Variants in NOL4L observed in about 807,000 individuals in gnomAD.
The protein encoded by NOL4L is nucleolar protein 4-like.
In NOL4L, 7 loss-of-function variants were observed where a neutral mutation model predicts 64.5. That is an observed-to-expected ratio of 0.11 (90% CI 0.06 to 0.20). The LOEUF (loss-of-function observed/expected upper bound fraction) is 0.20, where lower values mean the gene tolerates loss of function less well. NOL4L is among the 10% of genes least tolerant of loss of function. The probability of loss-of-function intolerance (pLI) is 1.00; values close to 1 mark genes in which losing one functional copy is unlikely to be tolerated. For missense variants in NOL4L, 680 were observed against 967.1 expected (o/e 0.70, Z 3.94); for synonymous variants, 413 against 401.0 (o/e 1.03, Z -0.36).
At chr20:32,548,833 CAG>C (rs1016588638) in intron 1 of NOL4L, 9 of 451,594 alleles carry the variant, frequency 2.0e-5, no homozygotes, top group African/African-American at 1.2e-4. Context: ...TGTCCATTAA[CAG>C]GGGACTGGAT....
intron 1 of NOL4L, among the ~76,000 whole-genome samples, chr20:32,550,405 G>C (rs936514713): frequency 2.0e-5 from 3 of 152,114 alleles, no homozygotes; most frequent in Admixed American, 6.5e-5. Context: ...GCCAATATTT[G>C]TATATCTAAA....
At chr20:32,567,644 C>T (rs921951569) in intron 1 of NOL4L, among the ~76,000 whole-genome samples, 15 of 152,232 alleles carry the variant, frequency 9.9e-5, no homozygotes, top group Non-Finnish European at 1.9e-4. Context: ...CCTGCCTGAG[C>T]GCACATCTGG....
chr20:32,468,702 C>A (rs1189529379), intron 5 of NOL4L, among the ~76,000 whole-genome samples: 1 of 151,904 alleles, frequency 6.6e-6, no homozygotes, highest in Non-Finnish European at 1.5e-5. Context: ...AGTTTCAGAC[C>A]AGCCTGACCA....
chr20:32,576,483 G>A (rs915307609), intron 1 of NOL4L, among the ~76,000 whole-genome samples: 18 of 152,194 alleles, frequency 1.2e-4, no homozygotes, highest in Non-Finnish European at 2.4e-4. Flanking sequence ...GGGCAGCGAG[G>A]AAGTGAATAA....
At position 32,535,416 on chromosome 20, in the gene NOL4L, G is replaced by T. The variant is rs73248047; in HGVS notation, c.322-7503C>A. ...AAATAAATAAATACATAAACAAGGCGCTGAGGACTCAATATAGCACCTGCC... is the reference window on the plus strand; with the variant it reads ...AAATAAATAAATACATAAACAAGGCTCTGAGGACTCAATATAGCACCTGCC... On this transcript the variant is annotated intron_variant, in intron 1 of 10. Transcript: ENST00000621426. 1,653 of 171,184 alleles carry T rather than the reference G, an allele frequency of 9.7e-3. 34 individuals are homozygous for T. Among genetic ancestry groups the T allele is most frequent in the African/African-American group, 0.037 (1,528 of 41,814 alleles). 10.6% of individuals were successfully genotyped at this position (171,184 alleles called of 1,614,324 possible). A position where few individuals can be genotyped will look rare whatever the true frequency, so the allele number is the denominator to read the frequency against.
At chr20:32,576,635 G>C (rs536668244) in intron 1 of NOL4L, among the ~76,000 whole-genome samples, 1 of 152,262 alleles carries the variant, frequency 6.6e-6, no homozygotes, top group Admixed American at 6.5e-5. Context: ...AAGAGGACTA[G>C]TGCTCCGGGA....
intron 1 of NOL4L, among the ~76,000 whole-genome samples, chr20:32,544,472 T>G (rs984219850): frequency 7.9e-5 from 12 of 152,060 alleles, no homozygotes; most frequent in African/African-American, 2.9e-4. Flanking sequence ...CTCTCCAGCT[T>G]TGTCCTGAAG....
Position 32,572,159 on chromosome 20 carries a change from A to C in NOL4L, c.321+12411T>G, listed in dbSNP as rs928841340. ...TGAGGACACAACCCTTCCCTGTGCT[A>C]GCTGGAGTCTGTAGTCTGCCTCTTC... On this transcript the variant is annotated intron_variant, in intron 1 of 10. Transcript: ENST00000621426. Among the ~76,000 whole-genome samples, 4 of 152,332 alleles carry C rather than the reference A, an allele frequency of 2.6e-5. No homozygotes were observed. In the South Asian group the frequency reaches 8.3e-4, roughly 32 times the overall value.
chr20:32,490,836 A>G (rs1168794584), intron 4 of NOL4L, among the ~76,000 whole-genome samples: 2 of 152,200 alleles, frequency 1.3e-5, no homozygotes, highest in Non-Finnish European at 2.9e-5. Flanking sequence ...AACCTTCAAT[A>G]ACTCCCAGTC....
At chr20:32,510,057 A>G (rs293565) in intron 4 of NOL4L, 73,066 of 793,726 alleles carry the variant, frequency 0.092, 4,684 homozygotes, top group African/African-American at 0.27. Context: ...CACCCTCATT[A>G]CCGACACTCC....
rs111372117 is a variant in NOL4L at position 32,558,368 on chromosome 20, G to A, written c.321+26202C>T. ...CCCTGATTTGCTGGTCTCTTCTTTTGATCAGATCTGGGGAGGGCATGAAAC... is the reference window on the plus strand; with the variant it reads ...CCCTGATTTGCTGGTCTCTTCTTTTAATCAGATCTGGGGAGGGCATGAAAC... On this transcript the variant is annotated intron_variant, in intron 1 of 10. Coordinates refer to ENST00000621426, the MANE Select transcript of NOL4L (RefSeq NM_001256798.2). Among the ~76,000 whole-genome samples, 152 of 152,302 alleles carry A rather than the reference G, an allele frequency of 1.0e-3. 1 individual carries two copies. The highest frequency in any genetic ancestry group is 1.5e-3 in the Non-Finnish European group (104 of 68,028).
At chr20:32,563,154 G>A (rs865992923) in intron 1 of NOL4L, among the ~76,000 whole-genome samples, 2 of 24,998 alleles carry the variant, frequency 8.0e-5, no homozygotes, top group Non-Finnish European at 1.6e-4. Context: ...GGAGAGTGGA[G>A]TGCAGGGAGG....
In NOL4L at chr20:32,584,661, T is replaced by A; in HGVS notation, c.230A>T (p.Gln77Leu). 1 of 1,546,892 alleles carries A rather than the reference T, an allele frequency of 6.5e-7. No individual in the cohort carries two copies. Among genetic ancestry groups the A allele is most frequent in the Non-Finnish European group, 8.7e-7 (1 of 1,145,238 alleles). ...GAAGCCCTTGGAGCGCACCCAGAAC[T>A]GGAACTTGCCTTTCTCGCCGGCTGC... ...GPAAGEKGKF[Q>L]FWVRSKGFRL... The change falls in exon 1 of 11, where the codon CAG becomes CTG. Residue 77 changes from glutamine to leucine, a missense_variant. Around this residue, in one of 4 missense-constraint regions of NOL4L, gnomAD observed 181 missense variants for 335.2 expected, o/e 0.54. Coordinates refer to ENST00000621426, the MANE Select transcript of NOL4L (RefSeq NM_001256798.2).
intron 1 of NOL4L, among the ~76,000 whole-genome samples, chr20:32,573,190 T>A (rs574396431): frequency 3.9e-5 from 6 of 152,206 alleles, no homozygotes; most frequent in African/African-American, 1.2e-4. Context: ...TAAGTTTTTT[T>A]AGTTATTATA....
intron 2 of NOL4L, among the ~76,000 whole-genome samples, chr20:32,524,881 GGGA>G (rs755561205): frequency 2.0e-4 from 31 of 152,202 alleles, no homozygotes; most frequent in Non-Finnish European, 3.5e-4. Flanking sequence ...GTGACAGATG[GGGA>G]GGAGAAGGGG....
intron 1 of NOL4L, among the ~76,000 whole-genome samples, chr20:32,580,449 C>A (rs1980396942): frequency 6.6e-6 from 1 of 152,246 alleles, no homozygotes; most frequent in East Asian, 1.9e-4. Context: ...AAGGTTTACA[C>A]AAAAGCTCTG....
At chr20:32,565,630 T>C (rs1406991369) in intron 1 of NOL4L, among the ~76,000 whole-genome samples, 1 of 152,160 alleles carries the variant, frequency 6.6e-6, no homozygotes, top group Non-Finnish European at 1.5e-5. Flanking sequence ...TTACCCTCTC[T>C]GTAAACTGGG....
chr20:32,503,772 C>A (rs566051403), intron 4 of NOL4L, among the ~76,000 whole-genome samples: 16 of 152,352 alleles, frequency 1.1e-4, no homozygotes, highest in African/African-American at 3.8e-4. Context: ...TGGCAGACCT[C>A]CAAGGTCTGG....
Position 32,446,939 on chromosome 20 carries a change from C to G in NOL4L, c.*657G>C. 1 of 279,118 alleles carries G rather than the reference C, an allele frequency of 3.6e-6. No homozygotes were observed. The highest frequency in any genetic ancestry group is 3.0e-5 in the South Asian group (1 of 33,784). The allele number at this position is 279,118 out of a possible 1,614,324, so 17.3% of individuals were successfully genotyped here. On this transcript the variant is annotated 3_prime_UTR_variant, in exon 11 of 11. Transcript: ENST00000621426. ...GAGGTGCCTGGTGGTGTCCCTGTGG[C>G]AGCACTGGGATCTGCAACAGGATGG...
Sources: gnomAD v4.1 joint callset for allele counts (sites outside exome capture counted in the v4.1 genomes callset) on GRCh38, gnomAD v4.1.1 for gene constraint, gnomAD v4.1.1 regional missense constraint, MANE v1.5 for transcripts, NCBI Gene and HGNC (gene_info 2026-07-23, HGNC 2026-07-21) for gene names.